M1AP: variants seen among roughly 807,000 people sequenced by gnomAD.
The protein encoded by M1AP is meiosis 1 arrest protein.
Under a neutral mutation model 51.2 loss-of-function variants are expected in M1AP, and 39 were observed. The observed-to-expected ratio is 0.76, with a 90% CI of 0.59 to 1.00. The LOEUF is 1.00. Ranked by LOEUF, M1AP falls within the 50% of genes least tolerant of loss-of-function variation. The pLI, the probability that M1AP is intolerant of heterozygous loss-of-function variation, is 0.00. For missense variants in M1AP, 545 were observed against 641.2 expected (o/e 0.85, Z 1.62); for synonymous variants, 251 against 249.2 (o/e 1.01, Z -0.07).
chr2:74,613,459 T>C lies in M1AP; in HGVS notation c.426+1505A>G, dbSNP rs115035826. Among the ~76,000 whole-genome samples, 448 of 152,348 alleles carry C rather than the reference T, an allele frequency of 2.9e-3. 4 individuals are homozygous for C. Among genetic ancestry groups the C allele is most frequent in the African/African-American group, 0.01 (431 of 41,576 alleles). On this transcript the variant is annotated intron_variant, in intron 3 of 10. Coordinates refer to ENST00000421985, the MANE Select transcript of M1AP (RefSeq NM_001321739.2). ...CAGTCTTTTAGTGAACTTATGCCTC[T>C]GGACTGTGAACTTTACAAGTGTTCC...
At chr2:74,606,896 ATTTTAT>A (rs1681039322) in intron 4 of M1AP, among the ~76,000 whole-genome samples, 153 bp downstream of exon 4, 1 of 151,976 alleles carries the variant, frequency 6.6e-6, no homozygotes, top group Admixed American at 6.6e-5. Context: ...TTTTTTTAAA[ATTTTAT>A]TATTATTATA....
At position 74,640,168 on chromosome 2, in the gene M1AP, G is replaced by A; in HGVS notation, c.108C>T (p.Asp36=). The A allele has an allele frequency of 1.9e-6, 3 of 1,614,194 alleles. No homozygotes were observed. Among genetic ancestry groups the A allele is most frequent in the South Asian group, 2.2e-5 (2 of 91,080 alleles). Residue 36 remains aspartate (D), a synonymous_variant, in exon 2 of 11, where the codon GAC becomes GAT. Coordinates refer to ENST00000421985, the MANE Select transcript of M1AP (RefSeq NM_001321739.2). ...GAGCCTCACAGAGGTTGGTGCAGAT[G>A]TCAGCCCAGGACGGTAGAGCAATGT... ...IVHIALPSWA[D]ICTNLCEALQ...
At chr2:74,639,656 A>C (rs1387885949) in intron 2 of M1AP, among the ~76,000 whole-genome samples, 1 of 152,250 alleles carries the variant, frequency 6.6e-6, no homozygotes, top group Admixed American at 6.5e-5. Context: ...GGAAGTTAAA[A>C]GATGATTGAA....
intron 7 of M1AP, among the ~76,000 whole-genome samples, chr2:74,564,363 G>C (rs774309506): frequency 1.1e-4 from 17 of 152,286 alleles, no homozygotes; most frequent in Non-Finnish European, 2.2e-4. Context: ...AAGAAAAACA[G>C]GTATGTACCA....
intron 2 of M1AP, among the ~76,000 whole-genome samples, chr2:74,635,588 T>C (rs1444801099): frequency 6.6e-6 from 1 of 152,114 alleles, no homozygotes; most frequent in Non-Finnish European, 1.5e-5. Context: ...ACTTTTCTCT[T>C]TTCTAATGTA....
intron 1 of M1AP, among the ~76,000 whole-genome samples, chr2:74,645,165 C>T (rs1670704519): frequency 6.6e-6 from 1 of 152,098 alleles, no homozygotes; most frequent in African/African-American, 2.4e-5. Context: ...TCCACACACG[C>T]CGCCTTAAGA....
intron 2 of M1AP, among the ~76,000 whole-genome samples, chr2:74,634,355 C>T (rs561191535): frequency 4.6e-5 from 7 of 152,270 alleles, no homozygotes; most frequent in South Asian, 4.1e-4. Flanking sequence ...GAAATCCAGG[C>T]TCTTACCACT....
At chr2:74,588,724 T>G (rs547003113) in intron 4 of M1AP, among the ~76,000 whole-genome samples, 1 of 152,302 alleles carries the variant, frequency 6.6e-6, no homozygotes, top group Non-Finnish European at 1.5e-5. Context: ...GACCTAGTGG[T>G]GACTATCTTC....
At chr2:74,620,385 G>A (rs1277804934) in intron 2 of M1AP, among the ~76,000 whole-genome samples, 1 of 152,236 alleles carries the variant, frequency 6.6e-6, no homozygotes, top group Non-Finnish European at 1.5e-5. Flanking sequence ...GCAGAGGCAA[G>A]GCTGAGGCTG....
At chr2:74,561,091 A>AGGAGGAGGAGG (rs1677909260) in intron 8 of M1AP, among the ~76,000 whole-genome samples, 1 of 47,870 alleles carries the variant, frequency 2.1e-5, no homozygotes. Context: ...GGAGGAGGAG[A>AGGAGGAGGAGG]AGGAGAAGGA....
At chr2:74,594,284 TAA>T (rs1680204194) in intron 4 of M1AP, among the ~76,000 whole-genome samples, 1 of 152,108 alleles carries the variant, frequency 6.6e-6, no homozygotes, top group African/African-American at 2.4e-5. Flanking sequence ...AAGGAAAATA[TAA>T]GTCAACAGAT....
intron 4 of M1AP, among the ~76,000 whole-genome samples, chr2:74,583,242 A>C (rs985701139): frequency 6.6e-6 from 1 of 152,178 alleles, no homozygotes; most frequent in African/African-American, 2.4e-5. Flanking sequence ...AAATTAATTT[A>C]AAAAAATTAA....
chr2:74,620,681 C>G (rs769135586), intron 2 of M1AP: 3 of 216,050 alleles, frequency 1.4e-5, no homozygotes, highest in Non-Finnish European at 3.0e-5. Flanking sequence ...GTTCTCCTGC[C>G]TGGTACAGTT....
chr2:74,575,312 CCA>C (rs1198511054), intron 7 of M1AP, 124 bp downstream of exon 7: 28 of 1,491,110 alleles, frequency 1.9e-5, no homozygotes, highest in African/African-American at 2.8e-5. Flanking sequence ...CAGAGTATTT[CCA>C]GTTTTTTCTG....
At chr2:74,624,270 T>C (rs1428904683) in intron 2 of M1AP, among the ~76,000 whole-genome samples, 1 of 152,196 alleles carries the variant, frequency 6.6e-6, no homozygotes, top group Non-Finnish European at 1.5e-5. Flanking sequence ...GGATAAAAAA[T>C]TGGTAATAAT....
At chr2:74,575,620 T>C (rs903319068) in intron 6 of M1AP, 41 bp from the exon 7 acceptor site, 1 of 1,500,288 alleles carries the variant, frequency 6.7e-7, no homozygotes, top group Non-Finnish European at 9.2e-7. Context: ...CTTAGTGATA[T>C]CTAGAACCTC....
chr2:74,612,231 T>A (rs1315276974), intron 3 of M1AP, among the ~76,000 whole-genome samples: 19 of 151,962 alleles, frequency 1.3e-4, no homozygotes, highest in Admixed American at 1.2e-3. Context: ...TTTTGTTTGT[T>A]TTTAAGAGAC....
chr2:74,607,709 C>T (rs1397304738), intron 3 of M1AP, among the ~76,000 whole-genome samples: 2 of 152,010 alleles, frequency 1.3e-5, no homozygotes, highest in Non-Finnish European at 2.9e-5. Flanking sequence ...CTCCTGACCT[C>T]GTGATCCGCC....
intron 2 of M1AP, among the ~76,000 whole-genome samples, chr2:74,617,746 C>T (rs1317134538): frequency 6.6e-6 from 1 of 152,140 alleles, no homozygotes; most frequent in Non-Finnish European, 1.5e-5. Flanking sequence ...CCATTTTGTG[C>T]CCTTCTCATG....
Sources: allele counts gnomAD v4.1 joint callset (sites outside exome capture counted in the v4.1 genomes callset), GRCh38; gene constraint gnomAD v4.1.1; transcripts MANE v1.5; gene names NCBI Gene and HGNC (gene_info 2026-07-23, HGNC 2026-07-21).